ST8SIA6: variants seen among roughly 807,000 people sequenced by gnomAD.
The protein encoded by ST8SIA6 is ST8 alpha-N-acetyl-neuraminide alpha-2,8-sialyltransferase 6, also known as alpha-2,8-sialyltransferase 8F.
Under a neutral mutation model 33.6 loss-of-function variants are expected in ST8SIA6, and 39 were observed. The ratio of observed to expected loss-of-function variants is 1.16; its 90% confidence interval spans 0.90 to 1.52. The LOEUF (loss-of-function observed/expected upper bound fraction) is 1.52, where lower values mean the gene tolerates loss of function less well. Among genes scored for constraint, ST8SIA6 ranks in the 40% most tolerant of loss-of-function variants. The pLI is 0.00. For synonymous variants in ST8SIA6, 172 were observed against 167.2 expected, an observed-to-expected ratio of 1.03 and a Z score of -0.22; for missense variants, 441 against 443.8, an observed-to-expected ratio of 0.99 and a Z score of 0.06.
chr10:17,433,986 T>G (rs912124697), intron 2 of ST8SIA6, among the ~76,000 whole-genome samples: 11 of 152,186 alleles, frequency 7.2e-5, no homozygotes, highest in Admixed American at 5.2e-4. Flanking sequence ...TCTTCTTCCC[T>G]GCTTGCCTGC....
chr10:17,320,881 G>T lies in ST8SIA6; in HGVS notation c.1194C>A (p.Ala398=), dbSNP rs1482369166. 1.9e-6 allele frequency: 3 copies of T among 1,613,472 alleles called. No homozygotes were observed. In the Admixed American group the frequency reaches 5.0e-5, roughly 27 times the overall value. Residue 398 remains alanine (A), a synonymous_variant, in exon 8 of 8, where the codon GCC becomes GCA. Coordinates refer to ENST00000377602, the MANE Select transcript of ST8SIA6 (RefSeq NM_001004470.3). ...TTCCCATTTTAAGATACTTTGTTTA[G>T]GCGACTTCACATTTGCTAAATTGCA... ...LKLQFSKCEV[A] is the part of the protein sequence containing the mutation.
Position 17,360,461 on chromosome 10 carries a change from A to G in ST8SIA6, c.291-861T>C, listed in dbSNP as rs535914735. Among the ~76,000 whole-genome samples the G allele has an allele frequency of 5.9e-5, 9 of 152,162 alleles. No homozygotes were observed. In the South Asian group the frequency reaches 1.9e-3, roughly 32 times the overall value. On this transcript the variant is annotated intron_variant, in intron 3 of 7. Coordinates refer to ENST00000377602, the MANE Select transcript of ST8SIA6 (RefSeq NM_001004470.3). ...AACGGAAAATATTCACATATACATG[A>G]AAGACTTTTTCTTATTTTTCTAAGT... is the stretch of plus-strand genomic sequence containing the variant.
intron 6 of ST8SIA6, 126 bp from the exon 7 acceptor site, chr10:17,323,283 A>C: frequency 1.9e-6 from 1 of 524,030 alleles, no homozygotes. Flanking sequence ...TGTTGGAGAA[A>C]TCATTGCTAT....
intron 3 of ST8SIA6, among the ~76,000 whole-genome samples, chr10:17,373,917 T>C (rs1849809477): frequency 6.6e-6 from 1 of 152,084 alleles, no homozygotes; most frequent in Non-Finnish European, 1.5e-5. Flanking sequence ...TGAGAGAAAA[T>C]TCAGTTTTGT....
rs1476695413 is a variant in ST8SIA6 at position 17,323,379 on chromosome 10, A to G, written c.636-222T>C. 2.1e-5 allele frequency among the ~76,000 whole-genome samples: 3 copies of G among 145,896 alleles called. No individual in the cohort carries two copies. In the East Asian group the frequency reaches 6.1e-4, roughly 30 times the overall value. ...TTCTTAGTTGACATTTCAATGTTGT[A>G]TAAAATATACACCTTTTTTTTTTTT... On this transcript the variant is annotated intron_variant, in intron 6 of 7. Transcript: ENST00000377602.
At chr10:17,425,976 ATCC>A (rs1234098317) in intron 2 of ST8SIA6, among the ~76,000 whole-genome samples, 2 of 152,166 alleles carry the variant, frequency 1.3e-5, no homozygotes, top group East Asian at 3.9e-4. Flanking sequence ...TAGCCAAGCC[ATCC>A]TCCTTATCAC....
intron 2 of ST8SIA6, among the ~76,000 whole-genome samples, chr10:17,392,255 T>G (rs956492330): frequency 1.3e-5 from 2 of 151,870 alleles, no homozygotes; most frequent in African/African-American, 4.8e-5. Context: ...CTCAGAAGAG[T>G]AGGTCTCTAC....
chr10:17,333,691 ATATATATATATATATATATATATATAT>A (rs1284624359), intron 4 of ST8SIA6, among the ~76,000 whole-genome samples: 5 of 17,194 alleles, frequency 2.9e-4, no homozygotes, highest in African/African-American at 1.1e-3. Flanking sequence ...ATATATATAT[ATATATATATATATATATATATATATAT>A]TTTTTTTTTT....
At position 17,316,516 on chromosome 10, in the gene ST8SIA6, G is replaced by A. The variant is rs1175604140; in HGVS notation, c.*4362C>T. ...TGGATCAGAACAGGTCCTCTTGGCT[G>A]TATATGCAAAAGTGCAATTACTGGA... On this transcript the variant is annotated 3_prime_UTR_variant, in exon 8 of 8. Transcript: ENST00000377602. 6.6e-6 allele frequency among the ~76,000 whole-genome samples: 1 copy of A among 151,970 alleles called. No homozygotes were observed. The highest frequency in any genetic ancestry group is 1.5e-5 in the Non-Finnish European group (1 of 67,924).
chr10:17,325,354 T>G (rs1316432104), intron 6 of ST8SIA6, among the ~76,000 whole-genome samples: 1 of 147,316 alleles, frequency 6.8e-6, no homozygotes, highest in Non-Finnish European at 1.5e-5. Flanking sequence ...TAATATGTAA[T>G]ATATAAATAC....
chr10:17,334,402 G>A (rs1248298764), intron 4 of ST8SIA6, among the ~76,000 whole-genome samples: 3 of 151,712 alleles, frequency 2.0e-5, no homozygotes, highest in African/African-American at 4.8e-5. Flanking sequence ...AGCCGGGCAC[G>A]GTGGCAGGCA....
At chr10:17,431,047 T>C (rs1319994169) in intron 2 of ST8SIA6, among the ~76,000 whole-genome samples, 2 of 152,236 alleles carry the variant, frequency 1.3e-5, no homozygotes, top group Admixed American at 6.5e-5. Flanking sequence ...GTGACACTTA[T>C]GGCTAAAAAG....
rs905679854 is a variant in ST8SIA6, at chr10:17,315,859, C to T, written c.*5019G>A. 4.0e-5 allele frequency among the ~76,000 whole-genome samples: 6 copies of T among 151,848 alleles called. No individual in the cohort carries two copies. The highest frequency in any genetic ancestry group is 1.5e-4 in the African/African-American group (6 of 41,374). On this transcript the variant is annotated 3_prime_UTR_variant, in exon 8 of 8. Transcript: ENST00000377602. ...ACGGTTTCATGGGTATATGCATGTACATAAATATGTGCCATTTATTACATG... is the reference window on the plus strand; with the variant it reads ...ACGGTTTCATGGGTATATGCATGTATATAAATATGTGCCATTTATTACATG...
intron 2 of ST8SIA6, among the ~76,000 whole-genome samples, chr10:17,432,486 C>T (rs1852132704): frequency 6.6e-6 from 1 of 152,162 alleles, no homozygotes; most frequent in African/African-American, 2.4e-5. Flanking sequence ...GTTTATGATA[C>T]ATTATTATTG....
At chr10:17,430,105 T>C (rs1852057636) in intron 2 of ST8SIA6, among the ~76,000 whole-genome samples, 1 of 152,202 alleles carries the variant, frequency 6.6e-6, no homozygotes, top group South Asian at 2.1e-4. Context: ...TGTATGCCTC[T>C]GCATACTCAT....
chr10:17,376,667 G>T (rs7072282), intron 3 of ST8SIA6, among the ~76,000 whole-genome samples: 27,527 of 152,068 alleles, frequency 0.18, 2,636 homozygotes, highest in South Asian at 0.22. Context: ...AAAAATACAG[G>T]CAAGAAAGAT....
intron 3 of ST8SIA6, 34 bp from the exon 4 acceptor site, chr10:17,359,634 A>C: frequency 7.5e-7 from 1 of 1,334,878 alleles, no homozygotes; most frequent in Non-Finnish European, 1.1e-6. Context: ...TTAGAAAATA[A>C]TGATCTCATA....
chr10:17,407,890 G>A (rs1381191707), intron 2 of ST8SIA6: 2 of 152,472 alleles, frequency 1.3e-5, no homozygotes, highest in Non-Finnish European at 2.9e-5. Flanking sequence ...GGGAAAAGCA[G>A]TGAGTCCATT....
chr10:17,361,533 C>G (rs1361282594), intron 3 of ST8SIA6, among the ~76,000 whole-genome samples: 1 of 151,602 alleles, frequency 6.6e-6, no homozygotes, highest in African/African-American at 2.4e-5. Context: ...CACACACACA[C>G]ACACACACAC....
Sources: allele counts gnomAD v4.1 joint callset (sites outside exome capture counted in the v4.1 genomes callset), GRCh38; gene constraint gnomAD v4.1.1; transcripts MANE v1.5; gene names NCBI Gene and HGNC (gene_info 2026-07-23, HGNC 2026-07-21).